TMEM232: variants seen among roughly 807,000 people sequenced by gnomAD.
The protein encoded by TMEM232 is transmembrane protein 232.
TMEM232 carries 80 observed loss-of-function variants against 78.8 expected under a neutral mutation model. The observed-to-expected ratio is 1.01, with a 90% CI of 0.85 to 1.22. The LOEUF (loss-of-function observed/expected upper bound fraction) is 1.22. Ranked by LOEUF, TMEM232 falls within the 50% of genes most tolerant of loss-of-function variation. The probability of loss-of-function intolerance (pLI) is 0.00; values close to 1 mark genes in which losing one functional copy is unlikely to be tolerated. For synonymous variants in TMEM232, 297 were observed against 254.3 expected (o/e 1.17, Z -1.60); for missense variants, 881 against 742.2 (o/e 1.19, Z -2.17).
intron 13 of TMEM232, among the ~76,000 whole-genome samples, chr5:110,422,254 G>A (rs555244982): frequency 1.3e-5 from 2 of 152,056 alleles, no homozygotes; most frequent in East Asian, 3.9e-4. Flanking sequence ...AGGCTCAAAC[G>A]CCTGTAATCC....
intron 2 of TMEM232, among the ~76,000 whole-genome samples, chr5:110,402,328 C>G (rs1161766100): frequency 6.6e-6 from 1 of 151,986 alleles, no homozygotes; most frequent in Non-Finnish European, 1.5e-5. Flanking sequence ...TTGCTGCAGT[C>G]TTACAAAGTA....
At chr5:110,622,784 T>C (rs960479142) in intron 7 of TMEM232, among the ~76,000 whole-genome samples, 1 of 150,116 alleles carries the variant, frequency 6.7e-6, no homozygotes, top group African/African-American at 2.5e-5. Context: ...TCCACAATGG[T>C]TGAACAATGA....
chr5:110,449,579 T>A (rs1239570770), intron 12 of TMEM232, among the ~76,000 whole-genome samples: 2 of 152,130 alleles, frequency 1.3e-5, no homozygotes, highest in Admixed American at 1.3e-4. Context: ...TTACTACCTT[T>A]CTTTAACCTG....
intron 1 of TMEM232, among the ~76,000 whole-genome samples, chr5:110,695,650 A>G (rs1198815086): frequency 2.0e-5 from 3 of 152,194 alleles, no homozygotes; most frequent in Non-Finnish European, 2.9e-5. Context: ...AATACAAACT[A>G]CCATCAGAGA....
chr5:110,538,380 G>A (rs947763433), intron 11 of TMEM232, among the ~76,000 whole-genome samples: 2 of 152,130 alleles, frequency 1.3e-5, no homozygotes, highest in African/African-American at 4.8e-5. Context: ...TTGTGACCTG[G>A]AGGAAGGAAA....
intron 1 of TMEM232, among the ~76,000 whole-genome samples, chr5:110,679,335 G>A (rs923613933): frequency 6.6e-6 from 1 of 152,088 alleles, no homozygotes; most frequent in African/African-American, 2.4e-5. Context: ...CTTTGTTGAG[G>A]TGCTGTTAAG....
intron 12 of TMEM232, among the ~76,000 whole-genome samples, chr5:110,479,971 T>G (rs1344123717): frequency 8.2e-6 from 1 of 121,582 alleles, no homozygotes; most frequent in African/African-American, 5.4e-5. Context: ...CATAATTTCA[T>G]TTTTTTTCCT....
intron 12 of TMEM232, among the ~76,000 whole-genome samples, chr5:110,483,530 A>T (rs1764127120): frequency 6.6e-6 from 1 of 151,904 alleles, no homozygotes; most frequent in South Asian, 2.1e-4. Flanking sequence ...GTTCTCACTC[A>T]TAGGTGGGAA....
intron 12 of TMEM232, among the ~76,000 whole-genome samples, chr5:110,454,557 A>G (rs1760687259): frequency 6.6e-6 from 1 of 152,146 alleles, no homozygotes; most frequent in Non-Finnish European, 1.5e-5. Context: ...GAAGTAAACA[A>G]AACACTTCTA....
intron 1 of TMEM232, among the ~76,000 whole-genome samples, chr5:110,687,480 C>T (rs1228011350): frequency 2.0e-5 from 3 of 152,088 alleles, no homozygotes; most frequent in Non-Finnish European, 4.4e-5. Flanking sequence ...CTAATCATTT[C>T]ACTCTTCTAC....
intron 12 of TMEM232, among the ~76,000 whole-genome samples, chr5:110,461,309 T>C (rs954508053): frequency 6.6e-5 from 10 of 152,100 alleles, no homozygotes; most frequent in Non-Finnish European, 1.3e-4. Context: ...TTTCATGGTC[T>C]GGATAGAGGA....
At chr5:110,712,797 T>C (rs149148411) in intron 1 of TMEM232, among the ~76,000 whole-genome samples, 8 of 152,272 alleles carry the variant, frequency 5.3e-5, no homozygotes, top group African/African-American at 1.7e-4. Flanking sequence ...GAGCCCACCA[T>C]ACCTTGTTGG....
At chr5:110,586,143 T>C (rs1048653530) in intron 10 of TMEM232, among the ~76,000 whole-genome samples, 1 of 152,164 alleles carries the variant, frequency 6.6e-6, no homozygotes, top group African/African-American at 2.4e-5. Context: ...TAAAGGCATG[T>C]CAATAGTAAC....
In TMEM232 at chr5:110,574,640, C is replaced by A. The variant is rs377503003; in HGVS notation, c.1277-6015G>T. ...AACCAAGTGTATGTGACCAAGCCCC[C>A]CCAAAAATTGTAAATTGCAAAGCTT... On this transcript the variant is annotated intron_variant, in intron 10 of 13. Transcript: ENST00000455884. Among the ~76,000 whole-genome samples the A allele has an allele frequency of 6.5e-4, 99 of 152,094 alleles. 1 individual carries two copies. The South Asian group carries it at 0.017, about 27-fold the overall frequency.
At chr5:110,453,204 CT>C (rs1760510675) in intron 12 of TMEM232, among the ~76,000 whole-genome samples, 1 of 152,164 alleles carries the variant, frequency 6.6e-6, no homozygotes. Flanking sequence ...TACTCGTTCC[CT>C]GTAATCTGTT....
At chr5:110,392,601 C>T (rs1251075509) in intron 3 of TMEM232, among the ~76,000 whole-genome samples, 2 of 152,116 alleles carry the variant, frequency 1.3e-5, no homozygotes, top group East Asian at 3.9e-4. Flanking sequence ...TTCACTGTGT[C>T]GTCACATGAT....
intron 12 of TMEM232, among the ~76,000 whole-genome samples, chr5:110,451,063 C>T (rs1363355246): frequency 2.6e-5 from 4 of 152,060 alleles, no homozygotes; most frequent in East Asian, 1.9e-4. Context: ...GAAGGAATAC[C>T]GCATTTGGCT....
chr5:110,414,454 T>C (rs934938053), intron 2 of TMEM232, among the ~76,000 whole-genome samples: 1 of 152,350 alleles, frequency 6.6e-6, no homozygotes, highest in Admixed American at 6.5e-5. Context: ...TCTATCTATA[T>C]GGTGAAATAT....
In TMEM232 at chr5:110,486,168, GT is replaced by G. The variant is rs895588773; in HGVS notation, c.1703+42419del. ...TCCTTAGCCCACTTTTTAACGGGAGGTTTTTTTTTTTCCATACTGATTTGAG... is the reference window on the plus strand; with the variant it reads ...TCCTTAGCCCACTTTTTAACGGGAGGTTTTTTTTTTCCATACTGATTTGAG... On this transcript the variant is annotated intron_variant, in intron 12 of 13. Transcript: ENST00000455884. Among the ~76,000 whole-genome samples the G allele has an allele frequency of 7.5e-4, 110 of 146,138 alleles. 2 individuals carry two copies. Among genetic ancestry groups the G allele is most frequent in the African/African-American group, 1.6e-3 (63 of 40,120 alleles).
Sources: gnomAD v4.1 joint callset for allele counts (sites outside exome capture counted in the v4.1 genomes callset) on GRCh38, gnomAD v4.1.1 for gene constraint, MANE v1.5 for transcripts, NCBI Gene and HGNC (gene_info 2026-07-23, HGNC 2026-07-21) for gene names.